IGSF5: variants seen among roughly 807,000 people sequenced by gnomAD.
IGSF5 encodes immunoglobulin superfamily member 5.
IGSF5 carries 41 observed loss-of-function variants against 39.4 expected under a neutral mutation model. That is an observed-to-expected ratio of 1.04 (90% CI 0.81 to 1.35). IGSF5 has a LOEUF of 1.35. Among genes scored for constraint, IGSF5 ranks in the 40% most tolerant of loss-of-function variants. The pLI, the probability that IGSF5 is intolerant of heterozygous loss-of-function variation, is 0.00. For missense variants in IGSF5, 487 were observed against 494.6 expected, an observed-to-expected ratio of 0.98 and a Z score of 0.15; for synonymous variants, 183 against 175.3, an observed-to-expected ratio of 1.04 and a Z score of -0.34.
At chr21:39,796,848 G>A (rs2086998743) in intron 8 of IGSF5, among the ~76,000 whole-genome samples, 1 of 152,256 alleles carries the variant, frequency 6.6e-6, no homozygotes, top group Non-Finnish European at 1.5e-5. Flanking sequence ...AGTTGGGTCA[G>A]AAAAATGGCC....
At chr21:39,763,679 C>T (rs73217271) in intron 2 of IGSF5, among the ~76,000 whole-genome samples, 16,722 of 152,144 alleles carry the variant, frequency 0.11, 943 homozygotes, top group Middle Eastern at 0.17. Flanking sequence ...CCCACCCCAT[C>T]ATCCCCACAC....
chr21:39,738,136 A>G, the IGSF5 span, among the ~76,000 whole-genome samples: 65 of 152,186 alleles, frequency 4.3e-4, no homozygotes, highest in African/African-American at 1.5e-3. The surrounding 1 kb of genome is among the most constrained non-coding windows in gnomAD (Gnocchi z 6.4). Context: ...CATGCTGCTG[A>G]TAAGGACATA....
chr21:39,717,981 G>A, the IGSF5 span, among the ~76,000 whole-genome samples: 1 of 152,024 alleles, frequency 6.6e-6, no homozygotes, highest in Non-Finnish European at 1.5e-5. Flanking sequence ...AGCATGCAGT[G>A]TTTTTCCATT....
chr21:39,750,603 C>T (rs1229848031), intron 2 of IGSF5, among the ~76,000 whole-genome samples: 2 of 151,670 alleles, frequency 1.3e-5, no homozygotes, highest in East Asian at 1.9e-4. Flanking sequence ...TGCAAAGCCA[C>T]GTTCCTGTGT....
chr21:39,767,040 T>A (rs560621306), intron 3 of IGSF5, among the ~76,000 whole-genome samples: 1 of 152,236 alleles, frequency 6.6e-6, no homozygotes, highest in African/African-American at 2.4e-5. Context: ...TTTTGTGTAG[T>A]TTAATTAGGG....
chr21:39,747,622 A>G (rs943591765), intron 2 of IGSF5, among the ~76,000 whole-genome samples: 4 of 152,276 alleles, frequency 2.6e-5, no homozygotes, highest in Non-Finnish European at 5.9e-5. Flanking sequence ...CCACAGAACC[A>G]GGCAAGAGAC....
At chr21:39,767,650 G>A (rs1474948426) in intron 3 of IGSF5, among the ~76,000 whole-genome samples, 1 of 152,178 alleles carries the variant, frequency 6.6e-6, no homozygotes, top group African/African-American at 2.4e-5. Context: ...TTATTTAAGA[G>A]TGACTCAAAG....
intron 2 of IGSF5, among the ~76,000 whole-genome samples, chr21:39,750,973 C>T (rs889899767): frequency 3.3e-5 from 5 of 152,262 alleles, no homozygotes; most frequent in African/African-American, 1.2e-4. Flanking sequence ...GAGTGGAGGC[C>T]GGAGTGGAGA....
chr21:39,755,911 C>G (rs985858280), intron 2 of IGSF5, among the ~76,000 whole-genome samples: 1 of 151,770 alleles, frequency 6.6e-6, no homozygotes, highest in Non-Finnish European at 1.5e-5. Context: ...TGAGACCAGC[C>G]TGGCCAACAT....
chr21:39,795,950 C>T (rs1336614517), intron 8 of IGSF5, among the ~76,000 whole-genome samples: 1 of 152,136 alleles, frequency 6.6e-6, no homozygotes, highest in African/African-American at 2.4e-5. Flanking sequence ...TCTTTCTACT[C>T]ATCATGGGGG....
chr21:39,736,560 TA>T, the IGSF5 span, among the ~76,000 whole-genome samples: 20 of 148,786 alleles, frequency 1.3e-4, no homozygotes, highest in African/African-American at 2.2e-4. Flanking sequence ...AAGTATAATT[TA>T]AAAAAAAAAG....
rs1240661730 is a variant in IGSF5, at chr21:39,765,659, C to T, written c.225C>T (p.Asp75=). 1.2e-6 allele frequency: 2 copies of T among 1,614,154 alleles called. No individual in the cohort carries two copies. Among genetic ancestry groups the T allele is most frequent in the Non-Finnish European group, 8.5e-7 (1 of 1,180,030 alleles). Reference sequence around the variant, plus strand: ...AGCTCATCATGTGGGCTCTCAGTGACATGGTGGTGCTAAGCGTCAGGCCCA... The same window carrying T: ...AGCTCATCATGTGGGCTCTCAGTGATATGGTGGTGCTAAGCGTCAGGCCCA... ...GWKLIMWALS[D]MVVLSVRPME... Residue 75 remains aspartate (D), a synonymous_variant, in exon 3 of 9, where the codon GAC becomes GAT. Coordinates refer to ENST00000380588, the MANE Select transcript of IGSF5 (RefSeq NM_001080444.2).
intron 2 of IGSF5, among the ~76,000 whole-genome samples, chr21:39,747,882 AG>A (rs2146269268): frequency 6.6e-6 from 1 of 152,270 alleles, no homozygotes; most frequent in Non-Finnish European, 1.5e-5. Context: ...AACTCTGGAA[AG>A]AAAATGGTTT....
the IGSF5 span, chr21:39,726,018 G>A: frequency 2.0e-5 from 3 of 152,230 alleles, no homozygotes; most frequent in African/African-American, 7.2e-5. Context: ...TCAGAGAGTG[G>A]TTGATGTGTG....
the IGSF5 span, among the ~76,000 whole-genome samples, chr21:39,736,881 C>A: frequency 5.3e-5 from 8 of 152,168 alleles, no homozygotes; most frequent in Non-Finnish European, 4.4e-5. Context: ...CCAGCCCTCA[C>A]AACTCCTGGT....
intron 2 of IGSF5, among the ~76,000 whole-genome samples, chr21:39,759,475 G>A (rs1361714540): frequency 3.3e-5 from 5 of 152,128 alleles, no homozygotes. Context: ...GGCACTGTAT[G>A]GGCCTATTTC....
At chr21:39,791,833 G>C in intron 6 of IGSF5, 175 bp from the exon 7 acceptor site, 1 of 554,118 alleles carries the variant, frequency 1.8e-6, no homozygotes, top group South Asian at 2.8e-5. Context: ...GTGTGAGTAG[G>C]CAGGCGTGCA....
intron 2 of IGSF5, among the ~76,000 whole-genome samples, chr21:39,752,644 C>G (rs1288012574): frequency 1.3e-5 from 2 of 152,150 alleles, no homozygotes; most frequent in East Asian, 3.9e-4. Context: ...AAAGTATTCC[C>G]TTTCACCACA....
chr21:39,771,618 A>G (rs1400859667), intron 4 of IGSF5, among the ~76,000 whole-genome samples: 1 of 152,176 alleles, frequency 6.6e-6, no homozygotes, highest in Non-Finnish European at 1.5e-5. Context: ...GTCTCCCTGG[A>G]TTTCTTCCAA....
Sources: gnomAD v4.1 joint callset for allele counts (sites outside exome capture counted in the v4.1 genomes callset) on GRCh38, gnomAD v4.1.1 for gene constraint, Gnocchi (gnomAD v3.1) non-coding constraint, MANE v1.5 for transcripts, NCBI Gene and HGNC (gene_info 2026-07-23, HGNC 2026-07-21) for gene names.